Variants in EPHA4 observed in about 807,000 individuals in gnomAD.
The protein encoded by EPHA4 is EPH receptor A4.
Under a neutral mutation model 108.3 loss-of-function variants are expected in EPHA4, and 19 were observed. The ratio of observed to expected loss-of-function variants is 0.18; its 90% confidence interval spans 0.12 to 0.26. The LOEUF (loss-of-function observed/expected upper bound fraction) is 0.26, where lower values mean the gene tolerates loss of function less well. EPHA4 is among the 10% of genes least tolerant of loss of function. EPHA4 has a pLI of 1.00. For synonymous variants in EPHA4, 449 were observed against 455.5 expected, an observed-to-expected ratio of 0.99 and a Z score of 0.18; for missense variants, 917 against 1,254.0, an observed-to-expected ratio of 0.73 and a Z score of 4.06.
intron 5 of EPHA4, among the ~76,000 whole-genome samples, chr2:221,473,574 A>AC (rs528795582): frequency 1.3e-5 from 2 of 149,976 alleles, no homozygotes; most frequent in Admixed American, 6.7e-5. Flanking sequence ...AAAAAAAAAA[A>AC]CTATTTAAAG....
chr2:221,499,748 ATATATATATTTTT>A (rs1692428432), intron 4 of EPHA4, among the ~76,000 whole-genome samples: 1 of 44,980 alleles, frequency 2.2e-5, no homozygotes, highest in African/African-American at 1.2e-4. Flanking sequence ...ATATATATAT[ATATATATATTTTT>A]TTTTTTTTTT....
chr2:221,521,930 T>C (rs1318801688), intron 3 of EPHA4, among the ~76,000 whole-genome samples: 1 of 152,120 alleles, frequency 6.6e-6, no homozygotes, highest in Non-Finnish European at 1.5e-5. Context: ...TGAGCCAAGA[T>C]TGTGCCACTG....
At chr2:221,437,408 C>A (rs1240856866) in intron 11 of EPHA4, 1 of 279,560 alleles carries the variant, frequency 3.6e-6, no homozygotes, top group Non-Finnish European at 6.6e-6. Flanking sequence ...TGGATAATTG[C>A]TCTCTCAAGC....
chr2:221,465,188 T>G (rs1430793570), intron 5 of EPHA4, among the ~76,000 whole-genome samples: 1 of 152,156 alleles, frequency 6.6e-6, no homozygotes, highest in East Asian at 1.9e-4. Flanking sequence ...TGCCAATGAT[T>G]TTAAGAGTCT....
intron 4 of EPHA4, among the ~76,000 whole-genome samples, chr2:221,493,673 T>C (rs1175243454): frequency 6.6e-6 from 1 of 152,160 alleles, no homozygotes; most frequent in Non-Finnish European, 1.5e-5. Context: ...CTTTGAGTAA[T>C]AGAACTGAAA....
intron 2 of EPHA4, among the ~76,000 whole-genome samples, chr2:221,565,780 C>T (rs2106210584): frequency 6.6e-6 from 1 of 152,268 alleles, no homozygotes; most frequent in South Asian, 2.1e-4. Flanking sequence ...CAGTAATTTA[C>T]TTATTTTAGG....
At chr2:221,514,651 A>G (rs1021554303) in intron 3 of EPHA4, among the ~76,000 whole-genome samples, 1 of 152,172 alleles carries the variant, frequency 6.6e-6, no homozygotes, top group Non-Finnish European at 1.5e-5. Context: ...CCTTCCATGT[A>G]TAAATTATAA....
At position 221,442,933 on chromosome 2, in the gene EPHA4, G is replaced by A; in HGVS notation, c.1970C>T (p.Ala657Val). The A allele has an allele frequency of 6.2e-7, 1 of 1,614,150 alleles. No individual in the cohort carries two copies. The highest frequency in any genetic ancestry group is 8.5e-7 in the Non-Finnish European group (1 of 1,180,012). Reference sequence around the variant, plus strand: ...TCTCCTCTGTTTGTCTGTATAACCAGCTTTCAGAGTCTTGATAGCCACACA... The same window carrying A: ...TCTCCTCTGTTTGTCTGTATAACCAACTTTCAGAGTCTTGATAGCCACACA... ...EICVAIKTLKAGYTDKQRRDF... is the reference protein window; with the variant it reads ...EICVAIKTLKVGYTDKQRRDF... Residue 657 changes from alanine to valine, a missense_variant, in exon 11 of 18, where the codon GCT (alanine) becomes GTT (valine). Ala to Val is a moderately conservative substitution (Grantham distance 64). Transcript: ENST00000281821.
intron 7 of EPHA4, among the ~76,000 whole-genome samples, chr2:221,456,192 T>C (rs1290163870): frequency 2.6e-5 from 4 of 151,692 alleles, no homozygotes; most frequent in African/African-American, 9.7e-5. Context: ...AAAAAGCTTA[T>C]GTAACTTGAT....
At chr2:221,525,210 C>A (rs979534538) in intron 3 of EPHA4, among the ~76,000 whole-genome samples, 2 of 152,138 alleles carry the variant, frequency 1.3e-5, no homozygotes, top group East Asian at 3.8e-4. Flanking sequence ...AATCATCTGT[C>A]CCCGGCAATG....
In EPHA4 at chr2:221,431,680, T is replaced by C. The variant is rs114349701; in HGVS notation, c.2497-1529A>G. Among the ~76,000 whole-genome samples, 633 of 152,316 alleles carry C rather than the reference T, an allele frequency of 4.2e-3. 1 individual carries two copies. The highest frequency in any genetic ancestry group is 9.8e-3 in the African/African-American group (408 of 41,562). Reference sequence around the variant, plus strand: ...TAGACTTGATGAGAACATTTTGCACTGAATTGAGGAGAATGAAAGCAACAC... The same window carrying C: ...TAGACTTGATGAGAACATTTTGCACCGAATTGAGGAGAATGAAAGCAACAC... On this transcript the variant is annotated intron_variant, in intron 14 of 17. Transcript: ENST00000281821.
chr2:221,436,578 G>A lies in EPHA4; in HGVS notation c.2167C>T (p.Leu723=). ...CCAATGCCACGAAGCATGCCCACCA[G>A]CTGAATGACTGTAAATCTGCCATCA... ...KNDGRFTVIQ[L]VGMLRGIGSG... The change falls in exon 13 of 18, where the codon CTG becomes TTG. Residue 723 remains leucine (L), a synonymous_variant. Transcript: ENST00000281821. 1 of 1,614,152 alleles carries A rather than the reference G, an allele frequency of 6.2e-7. No individual in the cohort carries two copies. The highest frequency in any genetic ancestry group is 8.5e-7 in the Non-Finnish European group (1 of 1,180,026).
At chr2:221,537,963 A>T (rs1693718967) in intron 3 of EPHA4, among the ~76,000 whole-genome samples, 1 of 152,190 alleles carries the variant, frequency 6.6e-6, no homozygotes, top group Admixed American at 6.6e-5. Context: ...TTTTTCAAGG[A>T]TTCATTTGCA....
chr2:221,464,337 G>A (rs1691240545), intron 5 of EPHA4, among the ~76,000 whole-genome samples: 1 of 152,166 alleles, frequency 6.6e-6, no homozygotes. Context: ...CAATACCCCA[G>A]CTCTGATTTG....
At chr2:221,422,602 T>C (rs1208943813) in intron 17 of EPHA4, among the ~76,000 whole-genome samples, 1 of 152,220 alleles carries the variant, frequency 6.6e-6, no homozygotes, top group Non-Finnish European at 1.5e-5. Context: ...ATCTACTTAA[T>C]GCCAGGATAC....
At chr2:221,555,904 G>C (rs1223685304) in intron 3 of EPHA4, among the ~76,000 whole-genome samples, 4 of 152,248 alleles carry the variant, frequency 2.6e-5, no homozygotes, top group East Asian at 1.9e-4. Context: ...AACTACCTAA[G>C]TCTCCCAGAT....
At chr2:221,500,364 T>G (rs1386574983) in intron 4 of EPHA4, among the ~76,000 whole-genome samples, 1 of 152,132 alleles carries the variant, frequency 6.6e-6, no homozygotes. Context: ...GTAGGGTCTG[T>G]GAAGGCCCAA....
chr2:221,551,874 G>T (rs1048337401), intron 3 of EPHA4, among the ~76,000 whole-genome samples: 2 of 151,702 alleles, frequency 1.3e-5, no homozygotes, highest in East Asian at 3.9e-4. Context: ...CTCTTACCTT[G>T]GTTTAGTGTA....
chr2:221,557,346 T>C (rs948457964), intron 3 of EPHA4, among the ~76,000 whole-genome samples: 2 of 152,214 alleles, frequency 1.3e-5, no homozygotes, highest in African/African-American at 4.8e-5. Flanking sequence ...CTTTGTTGGA[T>C]TGATCAAACA....
Sources: allele counts gnomAD v4.1 joint callset (sites outside exome capture counted in the v4.1 genomes callset), GRCh38; gene constraint gnomAD v4.1.1; transcripts MANE v1.5; gene names NCBI Gene and HGNC (gene_info 2026-07-23, HGNC 2026-07-21).